Variants in POLA1 observed in about 807,000 individuals in gnomAD.
POLA1 encodes DNA polymerase alpha catalytic subunit.
POLA1 carries 15 observed loss-of-function variants against 124.0 expected under a neutral mutation model. That is an observed-to-expected ratio of 0.12 (90% CI 0.08 to 0.19). The LOEUF is 0.19. Among genes scored for constraint, POLA1 ranks in the 10% least tolerant of loss-of-function variants. The pLI, the probability that POLA1 is intolerant of heterozygous loss-of-function variation, is 1.00. For missense variants in POLA1, 886 were observed against 1,103.4 expected, an observed-to-expected ratio of 0.80 and a Z score of 2.79; for synonymous variants, 408 against 389.4, an observed-to-expected ratio of 1.05 and a Z score of -0.56.
intron 4 of POLA1, among the ~76,000 whole-genome samples, chrX:24,711,774 T>A (rs1051657976): frequency 1.3e-4 from 14 of 111,697 alleles, no homozygotes; most frequent in Admixed American, 2.8e-4. Flanking sequence ...ATTTTTGTAT[T>A]TTTAGTAGAG....
chrX:24,796,005 A>G (rs1254802037), intron 26 of POLA1, among the ~76,000 whole-genome samples: 2 of 111,757 alleles, frequency 1.8e-5, no homozygotes, highest in Non-Finnish European at 3.8e-5. Context: ...TTTATTGAAT[A>G]AGTATAAATG....
intron 26 of POLA1, among the ~76,000 whole-genome samples, chrX:24,790,967 C>G (rs1284401545): frequency 9.8e-6 from 1 of 101,759 alleles, no homozygotes; most frequent in African/African-American, 3.6e-5. Context: ...GAAGAACTTG[C>G]AATTGTTAAG....
chrX:24,795,993 T>C (rs2045599048), intron 26 of POLA1, among the ~76,000 whole-genome samples: 1 of 111,789 alleles, frequency 8.9e-6, no homozygotes, highest in African/African-American at 3.3e-5. Flanking sequence ...GGTATACTTA[T>C]CTTTATTGAA....
At chrX:24,747,716 G>T (rs777249254) in intron 24 of POLA1, among the ~76,000 whole-genome samples, 21 of 104,670 alleles carry the variant, frequency 2.0e-4, no homozygotes, top group Middle Eastern at 4.9e-3. Flanking sequence ...GAGATAGCAT[G>T]TGTAAAAATG....
intron 26 of POLA1, among the ~76,000 whole-genome samples, chrX:24,773,662 G>C (rs1440425430): frequency 8.9e-6 from 1 of 111,955 alleles, no homozygotes; most frequent in Non-Finnish European, 1.9e-5. Context: ...GTAGTTTCTG[G>C]TCCTTAGTAA....
chrX:24,776,729 A>G (rs759838480), intron 26 of POLA1, among the ~76,000 whole-genome samples: 8 of 112,147 alleles, frequency 7.1e-5, no homozygotes, highest in African/African-American at 2.6e-4. Context: ...CATTTAAAAA[A>G]TCTGTGGTTG....
intron 36 of POLA1, among the ~76,000 whole-genome samples, chrX:24,950,078 C>T (rs1470115129): frequency 2.7e-5 from 3 of 112,168 alleles, no homozygotes; most frequent in African/African-American, 9.7e-5. Context: ...GTCCTCTTAT[C>T]CTCACAGCAT....
At position 24,949,895 on chromosome X, in the gene POLA1, C is replaced by T. The variant is rs761774593; in HGVS notation, c.4261+19346C>T. Among the ~76,000 whole-genome samples the T allele has an allele frequency of 3.7e-5, 4 of 109,528 alleles. No individual in the cohort carries two copies. In the East Asian group the frequency reaches 1.1e-3, roughly 31 times the overall value. ...GATTACAGGTACACGCCACCACACC[C>T]AGCTAATTTTGTATTTTTAGTTGAG... On this transcript the variant is annotated intron_variant, in intron 36 of 36. Coordinates refer to ENST00000379068, the MANE Select transcript of POLA1 (RefSeq NM_001330360.2).
chrX:24,959,403 G>T (rs2048144445), intron 36 of POLA1, among the ~76,000 whole-genome samples: 1 of 108,897 alleles, frequency 9.2e-6, no homozygotes, highest in East Asian at 2.9e-4. Context: ...TGTGGAGGTT[G>T]CAGTGAGCCA....
At chrX:24,731,395 A>T (rs1486648491) in intron 15 of POLA1, among the ~76,000 whole-genome samples, 1 of 112,407 alleles carries the variant, frequency 8.9e-6, no homozygotes, top group South Asian at 3.7e-4. Flanking sequence ...GGTAAATAAA[A>T]TTGAGATAAT....
chrX:24,804,494 A>G (rs2045768064), intron 26 of POLA1, among the ~76,000 whole-genome samples: 1 of 111,947 alleles, frequency 8.9e-6, no homozygotes, highest in Non-Finnish European at 1.9e-5. Flanking sequence ...TATCATCGGT[A>G]ATGGAAGAAT....
intron 36 of POLA1, among the ~76,000 whole-genome samples, chrX:24,942,916 C>G (rs1404687337): frequency 8.9e-6 from 1 of 111,929 alleles, no homozygotes; most frequent in Non-Finnish European, 1.9e-5. Flanking sequence ...AGGCTGGCCT[C>G]AAACTCCTGG....
At chrX:24,833,234 A>T (rs2046293220) in intron 32 of POLA1, among the ~76,000 whole-genome samples, 1 of 110,153 alleles carries the variant, frequency 9.1e-6, no homozygotes, top group Admixed American at 9.7e-5. Context: ...TGAATGTCAT[A>T]TTTTTTTTTA....
intron 26 of POLA1, among the ~76,000 whole-genome samples, chrX:24,758,030 A>T (rs913340631): frequency 1.6e-4 from 18 of 111,400 alleles, no homozygotes; most frequent in African/African-American, 5.9e-4. Context: ...TCAAAAATTG[A>T]TGAAAGTAAT....
intron 36 of POLA1, among the ~76,000 whole-genome samples, chrX:24,941,339 A>G (rs989448808): frequency 3.6e-4 from 40 of 112,113 alleles, no homozygotes; most frequent in African/African-American, 1.2e-3. Flanking sequence ...TGAAGCTGAC[A>G]TTTAAACTGA....
At chrX:24,968,458 G>A (rs868796240) in intron 36 of POLA1, among the ~76,000 whole-genome samples, 5 of 111,755 alleles carry the variant, frequency 4.5e-5, no homozygotes, top group African/African-American at 1.3e-4. Flanking sequence ...CCAGCACTTT[G>A]GGAGGCCAAG....
chrX:24,727,181 C>A, intron 14 of POLA1, 110 bp downstream of exon 14: 1 of 650,031 alleles, frequency 1.5e-6, no homozygotes, highest in Non-Finnish European at 2.4e-6. Context: ...ACTTCCTTTT[C>A]TGTTTGTTTC....
At chrX:24,732,596 TTTG>T in intron 16 of POLA1, 142 bp downstream of exon 16, 3 of 339,108 alleles carry the variant, frequency 8.8e-6, no homozygotes, top group South Asian at 6.2e-5. Flanking sequence ...TTTGTTTTTT[TTTG>T]TTTTTTTTTT....
In POLA1 at chrX:24,810,743, A is replaced by T; in HGVS notation, c.3033A>T (p.Ser1011=). The change falls in exon 28 of 37, where the codon TCA becomes TCT. Residue 1011 remains serine, a synonymous_variant. Coordinates refer to ENST00000379068, the MANE Select transcript of POLA1 (RefSeq NM_001330360.2). The part of the protein sequence containing the change: ...NLEVIYGDTD[S]IMINTNSTNL... ...AAGTTATTTATGGAGATACAGATTCAATTATGATAAACACCAATAGCACCA... is the reference window on the plus strand; with the variant it reads ...AAGTTATTTATGGAGATACAGATTCTATTATGATAAACACCAATAGCACCA... 9.1e-7 allele frequency: 1 copy of T among 1,098,090 alleles called. No individual in the cohort carries two copies. The highest frequency in any genetic ancestry group is 1.2e-6 in the Non-Finnish European group (1 of 800,588). 90.5% of individuals were successfully genotyped at this position (1,098,090 alleles called of 1,213,427 possible).
Sources: allele counts gnomAD v4.1 joint callset (sites outside exome capture counted in the v4.1 genomes callset), GRCh38; gene constraint gnomAD v4.1.1; transcripts MANE v1.5; gene names NCBI Gene and HGNC (gene_info 2026-07-23, HGNC 2026-07-21).